ZCCHC2: variants seen among roughly 807,000 people sequenced by gnomAD.
The protein encoded by ZCCHC2 is zinc finger CCHC-type containing 2.
In ZCCHC2, 39 loss-of-function variants were observed where a neutral mutation model predicts 103.6. The ratio of observed to expected loss-of-function variants is 0.38; its 90% CI spans 0.29 to 0.49. The LOEUF is 0.49. Ranked by LOEUF, ZCCHC2 falls within the 20% of genes least tolerant of loss-of-function variation. ZCCHC2 has a pLI of 0.96. For synonymous variants in ZCCHC2, 687 were observed against 608.9 expected, an observed-to-expected ratio of 1.13 and a Z score of -1.89; for missense variants, 1,483 against 1,491.0, an observed-to-expected ratio of 0.99 and a Z score of 0.09.
intron 3 of ZCCHC2, among the ~76,000 whole-genome samples, chr18:62,543,820 C>CA: frequency 6.6e-6 from 1 of 152,332 alleles, no homozygotes; most frequent in South Asian, 2.1e-4. Flanking sequence ...CCTGTGAACT[C>CA]AGTCAGCGGA....
rs148312877 is a variant in ZCCHC2, at chr18:62,561,189, C to T, written c.1550+545C>T. On this transcript the variant is annotated intron_variant, in intron 8 of 13. Transcript: ENST00000269499. Reference sequence around the variant, plus strand: ...ACTTGAGTATTTCCTATAGTCACATCGGCCAGTGATGAATGCACTCAAATT... The same window carrying T: ...ACTTGAGTATTTCCTATAGTCACATTGGCCAGTGATGAATGCACTCAAATT... Among the ~76,000 whole-genome samples, 505 of 152,268 alleles carry T rather than the reference C, an allele frequency of 3.3e-3. 3 individuals are homozygous for T. Among genetic ancestry groups the T allele is most frequent in the African/African-American group, 0.011 (465 of 41,558 alleles).
At chr18:62,526,790 C>T (rs1339025713) in intron 1 of ZCCHC2, 4 of 151,792 alleles carry the variant, frequency 2.6e-5, no homozygotes, top group Non-Finnish European at 4.4e-5. Context: ...CGGGGCTCCT[C>T]CCCGCCCCCG....
chr18:62,545,761 G>T (rs984913134), intron 4 of ZCCHC2, among the ~76,000 whole-genome samples: 2 of 152,214 alleles, frequency 1.3e-5, no homozygotes, highest in African/African-American at 4.8e-5. Flanking sequence ...TTGGTTACAA[G>T]TGTAGTTATT....
At position 62,539,850 on chromosome 18, in the gene ZCCHC2, T is replaced by G. The variant is rs73963442; in HGVS notation, c.1051+58T>G. ...AATACATCAAAAGATTACAGGGTGC[T>G]CTTTACGCTGATTAACTCTAAACTT... On this transcript the variant is annotated intron_variant, in intron 2 of 13. Coordinates refer to ENST00000269499, the MANE Select transcript of ZCCHC2 (RefSeq NM_017742.6). 3.3e-3 allele frequency: 4,443 copies of G among 1,348,810 alleles called. 124 individuals are homozygous for G. The African/African-American group carries it at 0.054, about 16-fold the overall frequency. The allele number at this position is 1,348,810 out of a possible 1,614,324, so 83.6% of individuals were successfully genotyped here.
rs781027753 is a variant in ZCCHC2, at chr18:62,576,546, C to G, written c.3504C>G (p.Pro1168=). 3 of 1,613,826 alleles carry G rather than the reference C, an allele frequency of 1.9e-6. No individual in the cohort carries two copies. Among genetic ancestry groups the G allele is most frequent in the Admixed American group, 1.7e-5 (1 of 60,028 alleles). Residue 1168 remains proline, a synonymous_variant, in exon 14 of 14, where the codon CCC becomes CCG. Transcript: ENST00000269499. ...TYRLRYAPPL[P]PSNDTLDSAD ...GACTGAGATACGCACCTCCCCTCCC[C>G]CCTTCTAATGATACGTTGGATTCTG...
At position 62,523,561 on chromosome 18, in the gene ZCCHC2, CGCCGCCGCCGCCCGCGGGCCCGTCGCG is replaced by C; in HGVS notation, c.139_165del (p.Pro47_Arg55del). On this transcript the variant is annotated inframe_deletion, in exon 1 of 14. Coordinates refer to ENST00000269499, the MANE Select transcript of ZCCHC2 (RefSeq NM_017742.6). ...CGCCGCGACTGCCGCCCCCCGCCGC[CGCCGCCGCCGCCCGCGGGCCCGTCGCG>C]GGGCCCTCTGCCGCCGCCGCCGCCG... 1 of 957,820 alleles carries C rather than the reference CGCCGCCGCCGCCCGCGGGCCCGTCGCG, an allele frequency of 1.0e-6. No homozygotes were observed. The highest frequency in any genetic ancestry group is 1.2e-6 in the Non-Finnish European group (1 of 808,728). 59.3% of individuals were successfully genotyped at this position (957,820 alleles called of 1,614,324 possible). A position where few individuals can be genotyped will look rare whatever the true frequency, so the allele number is the denominator to read the frequency against.
intron 5 of ZCCHC2, chr18:62,551,930 C>CAGAG (rs1452937458): frequency 6.6e-6 from 1 of 152,118 alleles, no homozygotes; most frequent in Admixed American, 6.6e-5. Flanking sequence ...TGAGGTAGAG[C>CAGAG]AGAGGTGTGT....
At chr18:62,540,561 C>T (rs1471431928) in intron 2 of ZCCHC2, among the ~76,000 whole-genome samples, 5 of 151,658 alleles carry the variant, frequency 3.3e-5, no homozygotes, top group African/African-American at 7.3e-5. Context: ...CTATTCAAGA[C>T]GATCACGGTA....
chr18:62,567,944 C>CAGAAAAAAAA (rs1168187020), intron 11 of ZCCHC2, among the ~76,000 whole-genome samples: 1 of 81,402 alleles, frequency 1.2e-5, no homozygotes, highest in East Asian at 5.4e-4. Context: ...GACTCTGTCT[C>CAGAAAAAAAA]AAAAAAAAAA....
At chr18:62,556,339 T>C in intron 6 of ZCCHC2, 42 bp downstream of exon 6, 1 of 1,428,474 alleles carries the variant, frequency 7.0e-7, no homozygotes, top group Non-Finnish European at 9.5e-7. Flanking sequence ...TTTTTCTTTG[T>C]TGGATTTTAT....
intron 1 of ZCCHC2, among the ~76,000 whole-genome samples, chr18:62,531,964 A>G (rs111561072): frequency 0.019 from 2,950 of 152,286 alleles, 64 homozygotes; most frequent in Middle Eastern, 0.075. Flanking sequence ...AGCCTGAGCA[A>G]CAGAGTGAGA....
At chr18:62,538,222 G>A (rs1190515729) in intron 1 of ZCCHC2, among the ~76,000 whole-genome samples, 2 of 139,972 alleles carry the variant, frequency 1.4e-5, no homozygotes, top group Admixed American at 7.6e-5. Context: ...GATCATGCCG[G>A]TGTACTTCAG....
chr18:62,558,735 A>G lies in ZCCHC2; in HGVS notation c.1457A>G (p.Lys486Arg). The G allele has an allele frequency of 6.5e-7, 1 of 1,549,322 alleles. No individual in the cohort carries two copies. Residue 486 changes from lysine to arginine, a missense_variant, in exon 7 of 14, where the codon AAA becomes AGA. Lys to Arg is a conservative substitution (Grantham distance 26, BLOSUM62 2). Transcript: ENST00000269499. ...ACTTCTAAGATATTAGAACACTTAA[A>G]AGAAGACAGCTCTGAAGCTTCAAGT... ...LKTSKILEHLKEDSSEASSQE... is the reference protein window; with the variant it reads ...LKTSKILEHLREDSSEASSQE...
chr18:62,545,358 C>T (rs560260938), intron 4 of ZCCHC2, among the ~76,000 whole-genome samples: 11 of 152,200 alleles, frequency 7.2e-5, no homozygotes, highest in African/African-American at 2.4e-4. Context: ...GGTGGGAGTT[C>T]TCAGACTTCA....
chr18:62,524,405 T>G, intron 1 of ZCCHC2, 42 bp downstream of exon 1: 2 of 1,428,598 alleles, frequency 1.4e-6, no homozygotes, highest in South Asian at 3.0e-5. Context: ...GTGCGATCGC[T>G]GCCCCGGCGG....
rs1276568518 is a variant in ZCCHC2, at chr18:62,524,338, G to A, written c.914G>A (p.Cys305Tyr). The change falls in exon 1 of 14, where the codon TGC becomes TAC. Residue 305 changes from cysteine (C) to tyrosine (Y), a missense_variant. By Grantham distance (194) the Cys-to-Tyr change is radical. This residue lies in a region of ZCCHC2 where 568 missense variants were observed against 525.1 expected (regional missense o/e 1.08). Coordinates refer to ENST00000269499, the MANE Select transcript of ZCCHC2 (RefSeq NM_017742.6). ...GACGCGGAGGTGGAGGTAGAGCCGT[G>A]CAAGTTTGCCGGCCCCAGGGCCCAG... ...PEDAEVEVEP[C>Y]KFAGPRAQNN... 1 of 1,536,952 alleles carries A rather than the reference G, an allele frequency of 6.5e-7. No homozygotes were observed. The highest frequency in any genetic ancestry group is 8.8e-7 in the Non-Finnish European group (1 of 1,141,778).
intron 1 of ZCCHC2, among the ~76,000 whole-genome samples, chr18:62,533,449 C>T (rs988117945): frequency 6.6e-6 from 1 of 151,866 alleles, no homozygotes; most frequent in Non-Finnish European, 1.5e-5. Context: ...CACTTGAACC[C>T]GGGAGGCAGA....
intron 1 of ZCCHC2, among the ~76,000 whole-genome samples, chr18:62,538,785 T>C (rs903049921): frequency 1.3e-5 from 2 of 152,116 alleles, no homozygotes; most frequent in Non-Finnish European, 1.5e-5. Context: ...ATTTTTAAAT[T>C]GAGATTTGTG....
Position 62,570,243 on chromosome 18 carries a change from G to A in ZCCHC2, c.1975+12G>A, listed in dbSNP as rs778364346. 10 of 1,609,966 alleles carry A rather than the reference G, an allele frequency of 6.2e-6. No individual in the cohort carries two copies. Among genetic ancestry groups the A allele is most frequent in the Non-Finnish European group, 8.5e-6 (10 of 1,177,968 alleles). On this transcript the variant is annotated intron_variant, in intron 12 of 13. Transcript: ENST00000269499. ...AGAGAAAGACAGAGGTTTGCTCTTTGAAGTGGGAGTATTGTTGGCATGGCA... is the reference window on the plus strand; with the variant it reads ...AGAGAAAGACAGAGGTTTGCTCTTTAAAGTGGGAGTATTGTTGGCATGGCA...
Sources: allele counts gnomAD v4.1 joint callset (sites outside exome capture counted in the v4.1 genomes callset), GRCh38; gene constraint gnomAD v4.1.1; regional missense constraint gnomAD v4.1.1; transcripts MANE v1.5; gene names NCBI Gene and HGNC (gene_info 2026-07-23, HGNC 2026-07-21).